The following PDE10A variants were observed in gnomAD, a reference collection of about 807,000 sequenced individuals.
PDE10A encodes cAMP and cAMP-inhibited cGMP 3',5'-cyclic phosphodiesterase 10A.
In PDE10A, 39 loss-of-function variants were observed where a neutral mutation model predicts 97.7. That is an observed-to-expected ratio of 0.40 (90% confidence interval 0.31 to 0.52). The LOEUF is 0.52. PDE10A is among the 20% of genes least tolerant of loss of function. The pLI, the probability that PDE10A is intolerant of heterozygous loss-of-function variation, is 0.56. For synonymous variants in PDE10A, 371 were observed against 376.8 expected (o/e 0.98, Z 0.18); for missense variants, 731 against 1,047.8 (o/e 0.70, Z 4.17).
rs118048249 is a variant in PDE10A, at chr6:165,803,277, C to T, written c.-615+184252G>A. On this transcript the variant is annotated intron_variant, in intron 1 of 19. Transcript: ENST00000366882. ...TTGCTCCTTTCATTCTAGATATGCT[C>T]CCTGAGTGGTTTCCATTCCTCTCAT... Among the ~76,000 whole-genome samples the T allele has an allele frequency of 7.4e-3, 1,130 of 152,312 alleles. 10 individuals carry two copies. Among genetic ancestry groups the T allele is most frequent in the Middle Eastern group, 0.024 (7 of 294 alleles).
At chr6:165,846,563 A>G (rs1005737753) in intron 1 of PDE10A, among the ~76,000 whole-genome samples, 2 of 152,198 alleles carry the variant, frequency 1.3e-5, no homozygotes, top group East Asian at 1.9e-4. Context: ...AGCCCTTCCC[A>G]TCACAGTGTG....
intron 1 of PDE10A, among the ~76,000 whole-genome samples, chr6:165,958,503 A>AAGAG (rs1784216509): frequency 1.6e-4 from 1 of 6,116 alleles, no homozygotes; most frequent in African/African-American, 1.2e-3. Flanking sequence ...AAAGACAAGA[A>AAGAG]AGAAAGAAAG....
At chr6:165,903,113 T>G (rs1223427023) in intron 1 of PDE10A, among the ~76,000 whole-genome samples, 1 of 152,194 alleles carries the variant, frequency 6.6e-6, no homozygotes, top group Admixed American at 6.5e-5. Context: ...TAATTAAAAT[T>G]GAGGTATGAT....
chr6:165,573,191 T>C (rs922847260), intron 1 of PDE10A, among the ~76,000 whole-genome samples: 5 of 152,150 alleles, frequency 3.3e-5, no homozygotes, highest in Admixed American at 6.5e-5. Context: ...ATTAAAATAG[T>C]TAAACGACAT....
At chr6:165,384,629 T>TGG (rs1562406211) in intron 17 of PDE10A, among the ~76,000 whole-genome samples, 1 of 135,196 alleles carries the variant, frequency 7.4e-6, no homozygotes, top group Non-Finnish European at 1.6e-5. Context: ...TATGTGTGAG[T>TGG]GAGTGTGTGT....
At chr6:165,960,241 A>G (rs762553072) in intron 1 of PDE10A, among the ~76,000 whole-genome samples, 1 of 152,260 alleles carries the variant, frequency 6.6e-6, no homozygotes, top group African/African-American at 2.4e-5. Context: ...GTGAAGGCTG[A>G]GTAGCATACA....
chr6:165,852,402 C>T (rs937460800), intron 1 of PDE10A, among the ~76,000 whole-genome samples: 1 of 152,170 alleles, frequency 6.6e-6, no homozygotes, highest in East Asian at 1.9e-4. Flanking sequence ...GATGGTTGGC[C>T]TTATTGAAAA....
In PDE10A at chr6:165,560,578, A is replaced by G. The variant is rs538220486; in HGVS notation, c.866-17010T>C. ...TGTTATGAGACAACAGAAAACTAAT[A>G]AACCTTTACTTTTCTAAAGTAAATT... On this transcript the variant is annotated intron_variant, in intron 1 of 21. Coordinates refer to ENST00000539869, the MANE Select transcript of PDE10A (RefSeq NM_001385079.1). Among the ~76,000 whole-genome samples, 7 of 152,382 alleles carry G rather than the reference A, an allele frequency of 4.6e-5. No homozygotes were observed. In the South Asian group the frequency reaches 1.2e-3, roughly 27 times the overall value.
At chr6:165,474,056 T>C (rs866815726) in intron 3 of PDE10A, among the ~76,000 whole-genome samples, 2 of 152,230 alleles carry the variant, frequency 1.3e-5, no homozygotes, top group Non-Finnish European at 2.9e-5. Context: ...TGCCAAAGTT[T>C]CATTTGAAGT....
chr6:165,689,308 G>C (rs1791206908), intron 1 of PDE10A, among the ~76,000 whole-genome samples: 1 of 152,194 alleles, frequency 6.6e-6, no homozygotes, highest in Non-Finnish European at 1.5e-5. Flanking sequence ...ACATTTTTGT[G>C]TGAGTGCTTT....
chr6:165,359,703 G>A (rs1201206030), intron 18 of PDE10A, among the ~76,000 whole-genome samples: 1 of 152,098 alleles, frequency 6.6e-6, no homozygotes, highest in African/African-American at 2.4e-5. Context: ...CTTCTTGATT[G>A]TGGGTCCTAT....
At chr6:165,843,355 A>G (rs1780315816) in intron 1 of PDE10A, among the ~76,000 whole-genome samples, 1 of 152,220 alleles carries the variant, frequency 6.6e-6, no homozygotes, top group African/African-American at 2.4e-5. Flanking sequence ...AGCCTCCCCA[A>G]GTGCAGGAGC....
chr6:165,493,128 T>TG (rs1254990379), intron 2 of PDE10A, among the ~76,000 whole-genome samples: 2 of 152,000 alleles, frequency 1.3e-5, no homozygotes, highest in Middle Eastern at 3.4e-3. Context: ...CACTTAACCA[T>TG]GGAGGTGAAA....
At chr6:165,794,457 T>A (rs1778769951) in intron 1 of PDE10A, among the ~76,000 whole-genome samples, 2 of 151,396 alleles carry the variant, frequency 1.3e-5, no homozygotes. Flanking sequence ...CACACTCACA[T>A]GCCCATGCAT....
intron 10 of PDE10A, among the ~76,000 whole-genome samples, chr6:165,425,587 G>A (rs971836353): frequency 3.9e-5 from 6 of 151,978 alleles, no homozygotes; most frequent in Admixed American, 2.6e-4. Flanking sequence ...CATATTTAAC[G>A]GCAAAAAACT....
At chr6:165,866,787 C>T (rs1194028161) in intron 1 of PDE10A, among the ~76,000 whole-genome samples, 1 of 149,978 alleles carries the variant, frequency 6.7e-6, no homozygotes, top group Non-Finnish European at 1.5e-5. Context: ...ATGACATAGT[C>T]AAAGTGCTGA....
intron 1 of PDE10A, among the ~76,000 whole-genome samples, chr6:165,650,163 A>C (rs1789606117): frequency 6.6e-6 from 1 of 152,222 alleles, no homozygotes; most frequent in South Asian, 2.1e-4. Context: ...AGACCATAAA[A>C]ACATGACCCC....
At position 165,625,082 on chromosome 6, in the gene PDE10A, A is replaced by T. The variant is rs1477317240; in HGVS notation, c.865+36865T>A. Among the ~76,000 whole-genome samples, 9 of 151,892 alleles carry T rather than the reference A, an allele frequency of 5.9e-5. No individual in the cohort carries two copies. The East Asian group carries it at 1.2e-3, about 20-fold the overall frequency. On this transcript the variant is annotated intron_variant, in intron 1 of 21. Transcript: ENST00000539869. ...ATGCACTTGACCCAGTGAGAGAGAG[A>T]GTGCTGGAGAGACGGCCGAGTGGCA...
At chr6:165,935,544 G>T (rs916934850) in intron 1 of PDE10A, among the ~76,000 whole-genome samples, 1 of 152,224 alleles carries the variant, frequency 6.6e-6, no homozygotes, top group Non-Finnish European at 1.5e-5. Context: ...GGCAAGAAAT[G>T]ATTCTGGACT....
Sources: gnomAD v4.1 joint callset for allele counts (sites outside exome capture counted in the v4.1 genomes callset) on GRCh38, gnomAD v4.1.1 for gene constraint, MANE v1.5 for transcripts, NCBI Gene and HGNC (gene_info 2026-07-23, HGNC 2026-07-21) for gene names.